GRK3: variants seen among roughly 807,000 people sequenced by gnomAD.
GRK3 encodes adrenergic, beta, receptor kinase 2.
GRK3 carries 54 observed loss-of-function variants against 95.7 expected under a neutral mutation model. The observed-to-expected ratio is 0.56, with a 90% CI of 0.45 to 0.71. The LOEUF (loss-of-function observed/expected upper bound fraction) is 0.71, where lower values mean the gene tolerates loss of function less well. Ranked by LOEUF, GRK3 falls within the 30% of genes least tolerant of loss-of-function variation. The pLI is 0.00. For missense variants in GRK3, 649 were observed against 851.2 expected (o/e 0.76, Z 2.96); for synonymous variants, 281 against 290.8 (o/e 0.97, Z 0.34).
chr22:25,595,179 T>C (rs1411006936), intron 1 of GRK3, among the ~76,000 whole-genome samples: 1 of 152,004 alleles, frequency 6.6e-6, no homozygotes, highest in Non-Finnish European at 1.5e-5. Context: ...AGAGAAAAAA[T>C]AGAAGGCATC....
In GRK3 at chr22:25,672,305, C is replaced by A; in HGVS notation, c.513C>A (p.Phe171Leu). ...TTTTATTCTCTTTTAGTGACAAGTT[C>A]ACTAGATTTTGTCAGTGGAAAAACG... is the stretch of plus-strand genomic sequence containing the variant. ...IFQKFMESDK[F>L]TRFCQWKNVE... The change falls in exon 7 of 21, where the codon TTC becomes TTA. Residue 171 changes from phenylalanine (F) to leucine (L), a missense_variant. Physicochemically the swap from Phe to Leu is conservative, Grantham distance 22 (BLOSUM62 0). This residue lies in a region of GRK3 where 206 missense variants were observed against 231.4 expected (regional missense o/e 0.89). Transcript: ENST00000324198. The A allele has an allele frequency of 1.4e-6, 2 of 1,441,538 alleles. No homozygotes were observed. Among genetic ancestry groups the A allele is most frequent in the Non-Finnish European group, 9.6e-7 (1 of 1,041,478 alleles). The allele number at this position is 1,441,538 out of a possible 1,614,324, so 89.3% of individuals were successfully genotyped here.
At chr22:25,600,393 G>C (rs1430666634) in intron 1 of GRK3, among the ~76,000 whole-genome samples, 2 of 152,092 alleles carry the variant, frequency 1.3e-5, no homozygotes, top group African/African-American at 4.8e-5. Context: ...ACCTGCCTCG[G>C]CCTCCCAAAG....
At chr22:25,677,772 TTA>T (rs2085043406) in intron 8 of GRK3, among the ~76,000 whole-genome samples, 1 of 152,196 alleles carries the variant, frequency 6.6e-6, no homozygotes, top group African/African-American at 2.4e-5. Context: ...GAATTTAGAG[TTA>T]TACACAAGAA....
chr22:25,632,858 C>T (rs912435496), intron 2 of GRK3, among the ~76,000 whole-genome samples: 7 of 152,004 alleles, frequency 4.6e-5, no homozygotes, highest in Admixed American at 4.6e-4. Flanking sequence ...TGTGTTTATC[C>T]TTTTCTCCAA....
chr22:25,722,654 T>A lies in GRK3; in HGVS notation c.*204T>A. On this transcript the variant is annotated 3_prime_UTR_variant, in exon 21 of 21. Transcript: ENST00000324198. ...TAGAAACTACTGAAGAAATAAAAGT[T>A]CTTTTTCTTTGCTACACACTTTGGT... is the stretch of plus-strand genomic sequence containing the variant. The A allele has an allele frequency of 2.0e-6, 1 of 504,790 alleles. No homozygotes were observed. The highest frequency in any genetic ancestry group is 3.5e-6 in the Non-Finnish European group (1 of 288,032). 31.3% of individuals were successfully genotyped at this position (504,790 alleles called of 1,614,324 possible). A position where few individuals can be genotyped will look rare whatever the true frequency, so the allele number is the denominator to read the frequency against.
intron 7 of GRK3, among the ~76,000 whole-genome samples, chr22:25,672,699 T>C (rs1292903386): frequency 1.3e-5 from 2 of 152,190 alleles, no homozygotes; most frequent in East Asian, 3.8e-4. Context: ...TTCTTTTTCT[T>C]ATTATTAGAT....
At chr22:25,582,826 C>G (rs1932149027) in intron 1 of GRK3, among the ~76,000 whole-genome samples, 1 of 151,988 alleles carries the variant, frequency 6.6e-6, no homozygotes, top group Non-Finnish European at 1.5e-5. Flanking sequence ...AATAAAAAAG[C>G]TAAAAATACA....
intron 1 of GRK3, among the ~76,000 whole-genome samples, chr22:25,593,432 G>T (rs73166998): frequency 0.055 from 8,409 of 151,848 alleles, 362 homozygotes; most frequent in East Asian, 0.21. Context: ...TGGTGGTTTT[G>T]ATTTACGTTT....
intron 13 of GRK3, among the ~76,000 whole-genome samples, chr22:25,697,573 T>C (rs1208169174): frequency 1.3e-5 from 2 of 152,148 alleles, no homozygotes; most frequent in Non-Finnish European, 2.9e-5. Flanking sequence ...GTGGGAAGAC[T>C]GAAAGAGCTG....
At chr22:25,574,045 T>C (rs1931801547) in intron 1 of GRK3, among the ~76,000 whole-genome samples, 2 of 152,246 alleles carry the variant, frequency 1.3e-5, no homozygotes, top group South Asian at 4.1e-4. Flanking sequence ...AATAAAACTT[T>C]CTTGAATAAT....
At chr22:25,715,685 G>A (rs1478239583) in intron 18 of GRK3, among the ~76,000 whole-genome samples, 2 of 152,136 alleles carry the variant, frequency 1.3e-5, no homozygotes, top group Non-Finnish European at 2.9e-5. Context: ...ATTTATTGTA[G>A]TCGATGATTA....
chr22:25,621,204 G>A (rs1289547297), intron 2 of GRK3, among the ~76,000 whole-genome samples: 1 of 152,248 alleles, frequency 6.6e-6, no homozygotes, highest in Non-Finnish European at 1.5e-5. Context: ...ATTCCCACAA[G>A]TGTGGTGTGG....
chr22:25,600,545 AC>A (rs1398652662), intron 1 of GRK3, among the ~76,000 whole-genome samples: 1 of 152,198 alleles, frequency 6.6e-6, no homozygotes, highest in African/African-American at 2.4e-5. Flanking sequence ...ACAAATAAAA[AC>A]CAATACAGTA....
rs142045888 is a variant in GRK3, at chr22:25,652,362, C to A, written c.264+7697C>A. Among the ~76,000 whole-genome samples, 420 of 152,132 alleles carry A rather than the reference C, an allele frequency of 2.8e-3. 2 individuals are homozygous for A. Among genetic ancestry groups the A allele is most frequent in the African/African-American group, 9.0e-3 (372 of 41,506 alleles). On this transcript the variant is annotated intron_variant, in intron 3 of 20. Coordinates refer to ENST00000324198, the MANE Select transcript of GRK3 (RefSeq NM_005160.4). Reference sequence around the variant, plus strand: ...AGGAGAATGGCGTGAACCCGGGAGGCGGAGCTTGCAGGAAAATGATCCAGA... The same window carrying A: ...AGGAGAATGGCGTGAACCCGGGAGGAGGAGCTTGCAGGAAAATGATCCAGA...
intron 3 of GRK3, among the ~76,000 whole-genome samples, chr22:25,647,077 A>G (rs917525694): frequency 2.6e-5 from 4 of 151,914 alleles, no homozygotes; most frequent in African/African-American, 7.2e-5. Context: ...CCATCATTAA[A>G]GGAGAGAAAG....
chr22:25,564,978 G>T lies in GRK3; in HGVS notation c.-63G>T. The T allele has an allele frequency of 2.2e-6, 1 of 456,048 alleles. No homozygotes were observed. The highest frequency in any genetic ancestry group is 8.5e-5 in the South Asian group (1 of 11,820). 28.3% of individuals were successfully genotyped at this position (456,048 alleles called of 1,614,324 possible). A position where few individuals can be genotyped will look rare whatever the true frequency, so the allele number is the denominator to read the frequency against. ...AGGTCGGGGCGCGGCGGGCGGCGGC[G>T]GCGGGCGCGCGTCCCGTCCAGGTCC... On this transcript the variant is annotated 5_prime_UTR_variant, in exon 1 of 21. Transcript: ENST00000324198.
chr22:25,710,824 G>A (rs375300119), intron 16 of GRK3, among the ~76,000 whole-genome samples: 41 of 152,324 alleles, frequency 2.7e-4, no homozygotes, highest in African/African-American at 8.9e-4. Context: ...GAAAATTATT[G>A]AAGGCTTTGG....
At chr22:25,652,002 T>A (rs2084834873) in intron 3 of GRK3, among the ~76,000 whole-genome samples, 1 of 152,136 alleles carries the variant, frequency 6.6e-6, no homozygotes, top group South Asian at 2.1e-4. Flanking sequence ...TAATATTGTT[T>A]TGTGGATAAT....
intron 7 of GRK3, among the ~76,000 whole-genome samples, chr22:25,673,523 C>T (rs965673044): frequency 6.6e-6 from 1 of 151,562 alleles, no homozygotes; most frequent in African/African-American, 2.4e-5. Flanking sequence ...CTTATATCTG[C>T]TCTGGGTCTT....
Sources: allele counts gnomAD v4.1 joint callset (sites outside exome capture counted in the v4.1 genomes callset), GRCh38; gene constraint gnomAD v4.1.1; regional missense constraint gnomAD v4.1.1; transcripts MANE v1.5; gene names NCBI Gene and HGNC (gene_info 2026-07-23, HGNC 2026-07-21).